Variants in RMP64 observed in about 807,000 individuals in gnomAD.
The protein encoded by RMP64 is ribonuclease MRP subunit p64.
At chr3:113,006,158 CAA>C in the RMP64 span, among the ~76,000 whole-genome samples, 4 of 152,144 alleles carry the variant, frequency 2.6e-5, no homozygotes, top group African/African-American at 7.2e-5. Context: ...AATTTCACCC[CAA>C]GTCTGTTTTT....
chr3:113,006,659 TGATA>T, the RMP64 span, among the ~76,000 whole-genome samples: 6 of 152,170 alleles, frequency 3.9e-5, no homozygotes, highest in East Asian at 7.7e-4. Context: ...TCACTGTTTG[TGATA>T]GATTTTAAAA....
the RMP64 span, chr3:113,011,664 GA>G: frequency 3.5e-6 from 1 of 287,370 alleles, no homozygotes; most frequent in Non-Finnish European, 6.4e-6. Context: ...ACTACATGGA[GA>G]AATGTACAAA....
the RMP64 span, among the ~76,000 whole-genome samples, chr3:113,018,692 T>G: frequency 6.6e-6 from 1 of 152,198 alleles, no homozygotes; most frequent in Non-Finnish European, 1.5e-5. Flanking sequence ...AGCTACGTAT[T>G]TAATATTCAT....
the RMP64 span, chr3:113,019,457 G>T: frequency 3.4e-6 from 4 of 1,163,994 alleles, no homozygotes; most frequent in African/African-American, 6.1e-5. Context: ...GGAAGTCCCG[G>T]TACCACCCCC....
At chr3:113,008,360 A>G in the RMP64 span, 7 of 1,613,514 alleles carry the variant, frequency 4.3e-6, no homozygotes, top group Non-Finnish European at 5.1e-6. Context: ...AGGAGTTCCT[A>G]TCACTTTCTG....
At chr3:113,005,827 C>G in the RMP64 span, 1 of 1,613,982 alleles carries the variant, frequency 6.2e-7, no homozygotes. Context: ...CTTGAGAGAA[C>G]TGCTGAATTT....
chr3:113,012,235 TAAG>T, the RMP64 span, among the ~76,000 whole-genome samples: 176 of 152,238 alleles, frequency 1.2e-3, no homozygotes, highest in Non-Finnish European at 1.9e-3. Flanking sequence ...GTCTAGCACA[TAAG>T]AAGGTCAAAA....
chr3:113,019,531 G>C, the RMP64 span: 121 of 1,602,906 alleles, frequency 7.5e-5, no homozygotes, highest in Non-Finnish European at 1.0e-4. Flanking sequence ...CTCGCCCGGC[G>C]CCTCACTCAC....
the RMP64 span, chr3:113,017,650 G>T: frequency 6.6e-7 from 1 of 1,506,546 alleles, no homozygotes; most frequent in Non-Finnish European, 9.1e-7. Context: ...TCTACAGTAA[G>T]TATATTATAT....
the RMP64 span, chr3:113,014,329 C>A: frequency 4.8e-6 from 1 of 208,150 alleles, no homozygotes. Context: ...ATAGGTTATT[C>A]TCAAGATTAT....
the RMP64 span, chr3:113,019,582 G>C: frequency 1.9e-6 from 3 of 1,613,894 alleles, no homozygotes; most frequent in South Asian, 2.2e-5. Context: ...CTGCGCTGCG[G>C]TTCCCCGCCT....
chr3:113,008,712 T>C, the RMP64 span: 1 of 278,544 alleles, frequency 3.6e-6, no homozygotes, highest in Non-Finnish European at 6.8e-6. Context: ...CTCACTAAGC[T>C]TTCCTTATGT....
the RMP64 span, among the ~76,000 whole-genome samples, chr3:113,010,158 AAC>A: frequency 1.7e-4 from 26 of 152,216 alleles, no homozygotes; most frequent in Non-Finnish European, 4.4e-5. Context: ...CGTAGCTAAT[AAC>A]ATCTAACTCC....
chr3:113,018,780 T>TC, the RMP64 span, among the ~76,000 whole-genome samples: 1 of 152,058 alleles, frequency 6.6e-6, no homozygotes, highest in Non-Finnish European at 1.5e-5. Context: ...AACTCTTTCA[T>TC]CCCCCCAAAC....
At chr3:113,019,129 T>G in the RMP64 span, 2 of 210,518 alleles carry the variant, frequency 9.5e-6, no homozygotes. Flanking sequence ...AGTGCTTAGG[T>G]GACGTCCACC....
At chr3:113,008,161 A>G in the RMP64 span, 1 of 1,605,740 alleles carries the variant, frequency 6.2e-7, no homozygotes, top group Non-Finnish European at 8.5e-7. Context: ...AATTTTTGCA[A>G]TATACCTACC....
the RMP64 span, among the ~76,000 whole-genome samples, chr3:113,009,957 G>C: frequency 7.6e-6 from 1 of 131,534 alleles, no homozygotes; most frequent in Non-Finnish European, 1.7e-5. Flanking sequence ...TAGACATTTT[G>C]CAAAGACAGG....
chr3:113,011,762 TAAAAC>T, the RMP64 span, among the ~76,000 whole-genome samples: 1 of 152,330 alleles, frequency 6.6e-6, no homozygotes, highest in South Asian at 2.1e-4. Flanking sequence ...TTAAATTTCT[TAAAAC>T]AGGCATGTAT....
At chr3:113,016,505 G>C in the RMP64 span, among the ~76,000 whole-genome samples, 1 of 152,102 alleles carries the variant, frequency 6.6e-6, no homozygotes, top group African/African-American at 2.4e-5. Context: ...CCAGAAGCTA[G>C]AAGGAGAAAT....
Sources: allele counts gnomAD v4.1 joint callset (sites outside exome capture counted in the v4.1 genomes callset), GRCh38; gene constraint gnomAD v4.1.1; transcripts MANE v1.5; gene names NCBI Gene and HGNC (gene_info 2026-07-23, HGNC 2026-07-21).